The following YLPM1 variants were observed in gnomAD, a reference collection of about 807,000 sequenced individuals.
YLPM1 encodes YLP motif containing 1, also known as YLP motif-containing protein 1.
In YLPM1, 99 loss-of-function variants were observed where a neutral mutation model predicts 230.0. That is an observed-to-expected ratio of 0.43 (90% CI 0.37 to 0.51). The LOEUF is 0.51. Ranked by LOEUF, YLPM1 falls within the 20% of genes least tolerant of loss-of-function variation. The pLI is 0.00. For synonymous variants in YLPM1, 984 were observed against 942.5 expected, an observed-to-expected ratio of 1.04 and a Z score of -0.81; for missense variants, 2,592 against 2,707.7, an observed-to-expected ratio of 0.96 and a Z score of 0.95.
chr14:74,820,957 T>C, intron 16 of YLPM1, 100 bp from the exon 17 acceptor site: 13 of 1,295,024 alleles, frequency 1.0e-5, no homozygotes, highest in Non-Finnish European at 1.3e-5. Flanking sequence ...GAGCCTGTCT[T>C]GCTCTGGGCA....
At chr14:74,826,964 A>G (rs1405117279) in intron 18 of YLPM1, among the ~76,000 whole-genome samples, 2 of 152,102 alleles carry the variant, frequency 1.3e-5, no homozygotes, top group Non-Finnish European at 2.9e-5. Context: ...TGCTTTTCTC[A>G]TCTCAGTGTC....
rs563401710 is a variant in YLPM1, at chr14:74,835,940, G to A, written c.*202G>A. 2.0e-5 allele frequency: 9 copies of A among 449,392 alleles called. No individual in the cohort carries two copies. The highest frequency in any genetic ancestry group is 8.1e-5 in the African/African-American group (4 of 49,456). 27.8% of individuals were successfully genotyped at this position (449,392 alleles called of 1,614,324 possible). On this transcript the variant is annotated 3_prime_UTR_variant, in exon 21 of 21. Transcript: ENST00000325680. ...GAATCTTGCTGTACCCAAGCAAGAC[G>A]TTAATTTTTCTTTTAACTGTTTTGG...
At chr14:74,789,007 C>G (rs549636251) in intron 4 of YLPM1, among the ~76,000 whole-genome samples, 1 of 152,108 alleles carries the variant, frequency 6.6e-6, no homozygotes, top group Non-Finnish European at 1.5e-5. Flanking sequence ...CCAGTTCACC[C>G]CAACACCATT....
chr14:74,820,921 T>C, intron 16 of YLPM1, 136 bp from the exon 17 acceptor site: 1 of 987,932 alleles, frequency 1.0e-6, no homozygotes, highest in Non-Finnish European at 1.4e-6. Flanking sequence ...ATTTAGGGTG[T>C]TAAAAATTAC....
At chr14:74,764,901 T>C (rs2090896402) in intron 1 of YLPM1, among the ~76,000 whole-genome samples, 2 of 152,248 alleles carry the variant, frequency 1.3e-5, no homozygotes, top group African/African-American at 4.8e-5. Flanking sequence ...AGGAGCATCC[T>C]AATTATGCTT....
At position 74,809,921 on chromosome 14, in the gene YLPM1, A is replaced by G; in HGVS notation, c.4951A>G (p.Asn1651Asp). The G allele has an allele frequency of 6.2e-7, 1 of 1,608,348 alleles. No individual in the cohort carries two copies. Among genetic ancestry groups the G allele is most frequent in the Non-Finnish European group, 8.5e-7 (1 of 1,177,128 alleles). Reference protein sequence around the residue: ...DYGHGRDISTNKVEQIPYGER... With the variant: ...DYGHGRDISTDKVEQIPYGER... The stretch of plus-strand genomic sequence containing the variant: ...ATTTTGTTTACCAGATATATCCACT[A>G]ATAAAGTTGAACAGATACCTTATGG... Residue 1651 changes from asparagine (N) to aspartate (D), a missense_variant, in exon 8 of 21, where the codon AAT becomes GAT. Coordinates refer to ENST00000325680, the MANE Select transcript of YLPM1 (RefSeq NM_019589.3).
At chr14:74,820,823 T>C (rs1362191798) in intron 16 of YLPM1, among the ~76,000 whole-genome samples, 3 of 152,358 alleles carry the variant, frequency 2.0e-5, no homozygotes, top group East Asian at 3.9e-4. Flanking sequence ...TTAGCACTTA[T>C]ACTTAACTTT....
chr14:74,818,552 T>G (rs1566763826), intron 16 of YLPM1, among the ~76,000 whole-genome samples: 1 of 152,206 alleles, frequency 6.6e-6, no homozygotes, highest in Non-Finnish European at 1.5e-5. Context: ...ATTTGAGAGT[T>G]AAGTTGCAGA....
At chr14:74,828,143 C>A in intron 18 of YLPM1, 1 of 370,106 alleles carries the variant, frequency 2.7e-6, no homozygotes, top group Non-Finnish European at 3.7e-6. Flanking sequence ...ACCCTTTCTG[C>A]CACTGCTTTC....
chr14:74,794,813 A>T (rs1282211090), intron 4 of YLPM1, among the ~76,000 whole-genome samples: 2 of 152,166 alleles, frequency 1.3e-5, no homozygotes, highest in African/African-American at 2.4e-5. Context: ...ATATCAAATT[A>T]AGGAAGAAAT....
chr14:74,815,439 G>A (rs912552747), intron 11 of YLPM1, among the ~76,000 whole-genome samples: 8 of 151,898 alleles, frequency 5.3e-5, no homozygotes, highest in Non-Finnish European at 1.2e-4. Flanking sequence ...GCAGGCACCT[G>A]TAATCCCAGC....
chr14:74,816,339 G>A, intron 12 of YLPM1, 74 bp downstream of exon 12: 1 of 1,469,328 alleles, frequency 6.8e-7, no homozygotes, highest in Non-Finnish European at 9.4e-7. Flanking sequence ...CTTATTAATA[G>A]CAAGCAACAT....
chr14:74,783,107 C>T (rs1594815768), intron 4 of YLPM1, among the ~76,000 whole-genome samples: 1 of 152,114 alleles, frequency 6.6e-6, no homozygotes. Flanking sequence ...GTTTTTCACC[C>T]AGGCTAGTGT....
At chr14:74,824,919 A>G (rs1015759563) in intron 18 of YLPM1, among the ~76,000 whole-genome samples, 5 of 152,120 alleles carry the variant, frequency 3.3e-5, no homozygotes, top group Non-Finnish European at 5.9e-5. Context: ...TTATCTGTCA[A>G]ACAAAAAAGT....
Position 74,778,682 on chromosome 14 carries a change from A to G in YLPM1, c.1109A>G (p.Gln370Arg). ...VPPPLPPEEP[Q>R]SEDPEEDARL... ...CCTCCTCTCCCACCTGAGGAACCCCAGGTAACCATATAATTAATTGTTTGT... is the reference window on the plus strand; with the variant it reads ...CCTCCTCTCCCACCTGAGGAACCCCGGGTAACCATATAATTAATTGTTTGT... The change falls in exon 2 of 21, where the codon CAG becomes CGG. Residue 370 changes from glutamine to arginine, a missense_variant and splice_region_variant. Physicochemically the swap from Gln to Arg is conservative, Grantham distance 43. This residue lies in a region of YLPM1 where 1,862 missense variants were observed against 1,819.8 expected (regional missense o/e 1.02). Transcript: ENST00000325680. The G allele has an allele frequency of 6.4e-7, 1 of 1,556,226 alleles. No homozygotes were observed. The highest frequency in any genetic ancestry group is 8.7e-7 in the Non-Finnish European group (1 of 1,149,890).
chr14:74,766,125 ACTTAT>A (rs755405011), intron 1 of YLPM1, among the ~76,000 whole-genome samples: 8 of 152,078 alleles, frequency 5.3e-5, no homozygotes, highest in Non-Finnish European at 8.8e-5. Flanking sequence ...GAATTATCTT[ACTTAT>A]CTTCTTATTA....
At chr14:74,796,619 G>T (rs1009244207) in intron 4 of YLPM1, among the ~76,000 whole-genome samples, 1 of 152,278 alleles carries the variant, frequency 6.6e-6, no homozygotes, top group East Asian at 1.9e-4. Context: ...TCTCTTGGAT[G>T]TAATGTAATG....
chr14:74,807,450 A>G (rs28499170), intron 6 of YLPM1, among the ~76,000 whole-genome samples: 22,280 of 152,102 alleles, frequency 0.15, 1,781 homozygotes, highest in South Asian at 0.29. Context: ...GGGAGGCTGA[A>G]GCGAGAAGAT....
chr14:74,783,653 A>C (rs2091117689), intron 4 of YLPM1, among the ~76,000 whole-genome samples: 1 of 152,184 alleles, frequency 6.6e-6, no homozygotes, highest in East Asian at 1.9e-4. Flanking sequence ...CATTTTTTTC[A>C]ACCTCATTTT....
Sources: gnomAD v4.1 joint callset for allele counts (sites outside exome capture counted in the v4.1 genomes callset) on GRCh38, gnomAD v4.1.1 for gene constraint, gnomAD v4.1.1 regional missense constraint, MANE v1.5 for transcripts, NCBI Gene and HGNC (gene_info 2026-07-23, HGNC 2026-07-21) for gene names.